CSNK1G2: variants seen among roughly 807,000 people sequenced by gnomAD.
The protein encoded by CSNK1G2 is casein kinase 1 gamma 2.
A neutral mutation model predicts 48.0 loss-of-function variants in CSNK1G2; 11 were observed. That is an observed-to-expected ratio of 0.23 (90% CI 0.14 to 0.38). CSNK1G2 has a LOEUF of 0.38. Ranked by LOEUF, CSNK1G2 falls within the 10% of genes least tolerant of loss-of-function variation. The pLI, the probability that CSNK1G2 is intolerant of heterozygous loss-of-function variation, is 1.00. For synonymous variants in CSNK1G2, 337 were observed against 254.1 expected, an observed-to-expected ratio of 1.33 and a Z score of -3.10; for missense variants, 446 against 595.5, an observed-to-expected ratio of 0.75 and a Z score of 2.61.
chr19:1,968,477 G>C (rs917131938), intron 1 of CSNK1G2, among the ~76,000 whole-genome samples: 7 of 152,146 alleles, frequency 4.6e-5, no homozygotes, highest in African/African-American at 1.7e-4. Flanking sequence ...TGGCCCCCTC[G>C]CTCCAGAGAG....
At chr19:1,964,969 G>A (rs1046683524) in intron 1 of CSNK1G2, among the ~76,000 whole-genome samples, 7 of 150,958 alleles carry the variant, frequency 4.6e-5, no homozygotes, top group Admixed American at 1.3e-4. Flanking sequence ...TTCATGATCC[G>A]CCTGCCTCGG....
intron 1 of CSNK1G2, among the ~76,000 whole-genome samples, chr19:1,964,876 C>T (rs1426652590): frequency 1.3e-5 from 2 of 151,548 alleles, no homozygotes; most frequent in South Asian, 2.1e-4. Context: ...CAGGAGCCCA[C>T]GACCATGCCC....
chr19:1,942,999 G>A (rs769082908), intron 1 of CSNK1G2, among the ~76,000 whole-genome samples: 9 of 152,250 alleles, frequency 5.9e-5, no homozygotes, highest in Non-Finnish European at 1.3e-4. Flanking sequence ...CCCCCACAGT[G>A]AGCTCTGAGA....
intron 1 of CSNK1G2, among the ~76,000 whole-genome samples, chr19:1,967,698 C>CTGA (rs1555681689): frequency 2.9e-5 from 3 of 102,254 alleles, no homozygotes; most frequent in East Asian, 3.6e-4. Context: ...CAGGCTGCCC[C>CTGA]CACCACCCTT....
Position 1,978,050 on chromosome 19 carries a change from G to C in CSNK1G2, c.188-255G>C, listed in dbSNP as rs1035958951. Among the ~76,000 whole-genome samples the C allele has an allele frequency of 1.7e-4, 25 of 151,456 alleles. No homozygotes were observed. The highest frequency in any genetic ancestry group is 2.4e-4 in the African/African-American group (10 of 41,082). ...CGCTTCTGTCCTGGGCTAGGGAGGT[G>C]GGGGGGCGGGGGAGGAGGAGTGGCA... On this transcript the variant is annotated intron_variant, in intron 2 of 11. Transcript: ENST00000255641. The surrounding 1 kb of genome is among the most constrained non-coding windows in gnomAD (Gnocchi z 7.3).
chr19:1,979,584 C>G lies in CSNK1G2; in HGVS notation c.943C>G (p.Leu315Val). Reference protein sequence around the residue: ...YDYLRKLFTDLFDRSGFVFDY... With the variant: ...YDYLRKLFTDVFDRSGFVFDY... Reference sequence around the variant, plus strand: ...CTACCTGCGGAAGCTCTTCACCGACCTCTTCGACCGCAGTGGCTTCGTGTT... The same window carrying G: ...CTACCTGCGGAAGCTCTTCACCGACGTCTTCGACCGCAGTGGCTTCGTGTT... Residue 315 changes from leucine to valine, a missense_variant, in exon 9 of 12, where the codon CTC becomes GTC. Leu to Val is a conservative substitution (Grantham distance 32, BLOSUM62 1). Around this residue, in one of 2 missense-constraint regions of CSNK1G2, gnomAD observed 188 missense variants for 179.6 expected, o/e 1.05. Coordinates refer to ENST00000255641, the MANE Select transcript of CSNK1G2 (RefSeq NM_001319.7). 1 of 1,608,130 alleles carries G rather than the reference C, an allele frequency of 6.2e-7. No homozygotes were observed. Among genetic ancestry groups the G allele is most frequent in the Non-Finnish European group, 8.5e-7 (1 of 1,179,914 alleles).
chr19:1,975,230 G>A, intron 2 of CSNK1G2: 16 of 985,486 alleles, frequency 1.6e-5, no homozygotes, highest in Non-Finnish European at 1.9e-5. Flanking sequence ...ACGTTGGCGA[G>A]CATCCGCCTG....
At chr19:1,973,216 C>T (rs892055981) in intron 2 of CSNK1G2, among the ~76,000 whole-genome samples, 4 of 151,722 alleles carry the variant, frequency 2.6e-5, no homozygotes, top group Non-Finnish European at 5.9e-5. Flanking sequence ...CGTGAGCCAC[C>T]GCGCCTGGCC....
chr19:1,944,847 C>G (rs921409437), intron 1 of CSNK1G2, among the ~76,000 whole-genome samples: 2 of 152,224 alleles, frequency 1.3e-5, no homozygotes, highest in African/African-American at 4.8e-5. Context: ...TGGCAAGCAC[C>G]CGTCTGGCGG....
At chr19:1,955,620 G>A (rs955659938) in intron 1 of CSNK1G2, among the ~76,000 whole-genome samples, 1 of 151,330 alleles carries the variant, frequency 6.6e-6, no homozygotes, top group Admixed American at 6.6e-5. Context: ...GGGTGGGTGT[G>A]GCTGGGCCCT....
At chr19:1,974,919 C>G (rs1043413662) in intron 2 of CSNK1G2, among the ~76,000 whole-genome samples, 1 of 152,218 alleles carries the variant, frequency 6.6e-6, no homozygotes, top group African/African-American at 2.4e-5. Context: ...GCTCTCCTGC[C>G]CTCTGCATGC....
At chr19:1,946,853 T>C (rs1962660) in intron 1 of CSNK1G2, among the ~76,000 whole-genome samples, 117,396 of 149,798 alleles carry the variant, frequency 0.78, 46,150 homozygotes, top group Non-Finnish European at 0.82. Flanking sequence ...CCTTGTGATC[T>C]GCCCGCCTCG....
At chr19:1,952,992 G>A in intron 1 of CSNK1G2, 1 of 430,386 alleles carries the variant, frequency 2.3e-6, no homozygotes, top group South Asian at 1.8e-5. Context: ...TCCAGTCTGG[G>A]TGGCAGAGCG....
At chr19:1,961,231 C>A (rs925439277) in intron 1 of CSNK1G2, among the ~76,000 whole-genome samples, 1 of 152,228 alleles carries the variant, frequency 6.6e-6, no homozygotes, top group Non-Finnish European at 1.5e-5. Flanking sequence ...GTTCCCGTGG[C>A]TCTCATGGCT....
intron 1 of CSNK1G2, among the ~76,000 whole-genome samples, chr19:1,964,800 A>G (rs892308427): frequency 3.3e-5 from 5 of 150,432 alleles, no homozygotes; most frequent in Admixed American, 6.6e-5. Context: ...ATCTCGGTTC[A>G]CTGCAAGCTC....
chr19:1,975,085 T>A (rs532182582), intron 2 of CSNK1G2: 4 of 984,826 alleles, frequency 4.1e-6, no homozygotes, highest in South Asian at 9.4e-5. Flanking sequence ...AGCGGTGGGG[T>A]TCAGGCGAAG....
chr19:1,964,167 C>A (rs1299190081), intron 1 of CSNK1G2, among the ~76,000 whole-genome samples: 1 of 151,864 alleles, frequency 6.6e-6, no homozygotes, highest in Non-Finnish European at 1.5e-5. Flanking sequence ...GTGATGTGTG[C>A]CTGTAGTTCC....
In CSNK1G2 at chr19:1,979,832, C is replaced by A; in HGVS notation, c.1083C>A (p.Asn361Lys). ...LRDKTQPHSK[N>K]QALNSTNGEL... Reference sequence around the variant, plus strand: ...ACAAAACCCAGCCGCACAGCAAAAACCAGGTGAGGCCCGGGCGGGACCGAC... The same window carrying A: ...ACAAAACCCAGCCGCACAGCAAAAAACAGGTGAGGCCCGGGCGGGACCGAC... The change falls in exon 10 of 12, where the codon AAC becomes AAA. Residue 361 changes from asparagine (N) to lysine (K), a missense_variant. By Grantham distance (94) the Asn-to-Lys change is moderately conservative (BLOSUM62 0). Transcript: ENST00000255641. The A allele has an allele frequency of 6.2e-7, 1 of 1,605,082 alleles. No individual in the cohort carries two copies. Among genetic ancestry groups the A allele is most frequent in the Non-Finnish European group, 8.5e-7 (1 of 1,176,500 alleles).
At position 1,980,200 on chromosome 19, in the gene CSNK1G2, G is replaced by A. The variant is rs1219886691; in HGVS notation, c.1245G>A (p.Lys415=). ...AGAGAAAATCGCTGCAGCGACACAAGTGACCCTGGGCGCGTGCAGCCCCCT... is the reference window on the plus strand; with the variant it reads ...AGAGAAAATCGCTGCAGCGACACAAATGACCCTGGGCGCGTGCAGCCCCCT... ...RRKRKSLQRH[K] Residue 415 remains lysine (K), a synonymous_variant, in exon 12 of 12, where the codon AAG becomes AAA. Coordinates refer to ENST00000255641, the MANE Select transcript of CSNK1G2 (RefSeq NM_001319.7). 2 of 1,612,888 alleles carry A rather than the reference G, an allele frequency of 1.2e-6. No homozygotes were observed. The highest frequency in any genetic ancestry group is 1.3e-5 in the African/African-American group (1 of 75,052).
Sources: allele counts gnomAD v4.1 joint callset (sites outside exome capture counted in the v4.1 genomes callset), GRCh38; gene constraint gnomAD v4.1.1; regional missense constraint gnomAD v4.1.1; non-coding constraint Gnocchi (gnomAD v3.1); transcripts MANE v1.5; gene names NCBI Gene and HGNC (gene_info 2026-07-23, HGNC 2026-07-21).